Variants in RAD17 observed in about 807,000 individuals in gnomAD.
The protein encoded by RAD17 is cell cycle checkpoint protein RAD17.
Under a neutral mutation model 81.5 loss-of-function variants are expected in RAD17, and 31 were observed. The observed-to-expected ratio is 0.38, with a 90% CI of 0.29 to 0.51. The LOEUF (loss-of-function observed/expected upper bound fraction) is 0.51, where lower values mean the gene tolerates loss of function less well. Ranked by LOEUF, RAD17 falls within the 20% of genes least tolerant of loss-of-function variation. The pLI is 0.88. For missense variants in RAD17, 681 were observed against 781.2 expected (o/e 0.87, Z 1.53); for synonymous variants, 261 against 266.2 (o/e 0.98, Z 0.19).
At chr5:69,381,058 C>T (rs1204985160) in intron 6 of RAD17, among the ~76,000 whole-genome samples, 2 of 152,042 alleles carry the variant, frequency 1.3e-5, no homozygotes, top group Non-Finnish European at 2.9e-5. Context: ...TGTGAGCCGC[C>T]GTGCTCTTCC....
At position 69,371,563 on chromosome 5, in the gene RAD17, A is replaced by G; in HGVS notation, c.-176+6A>G. 4.3e-6 allele frequency: 6 copies of G among 1,405,162 alleles called. No homozygotes were observed. Among genetic ancestry groups the G allele is most frequent in the Non-Finnish European group, 5.7e-6 (6 of 1,056,568 alleles). The allele number at this position is 1,405,162 out of a possible 1,614,324, so 87.0% of individuals were successfully genotyped here. A position where few individuals can be genotyped will look rare whatever the true frequency, so the allele number is the denominator to read the frequency against. On this transcript the variant is annotated splice_donor_region_variant and intron_variant, in intron 3 of 18. Coordinates refer to ENST00000354868, the MANE Select transcript of RAD17 (RefSeq NM_133338.3). Reference sequence around the variant, plus strand: ...CAAAGGTATCTTCCACAAAGGTATGATACACTGGAATGGCCATGTAATAAT... The same window carrying G: ...CAAAGGTATCTTCCACAAAGGTATGGTACACTGGAATGGCCATGTAATAAT...
chr5:69,381,661 C>A (rs1763867443), intron 6 of RAD17, among the ~76,000 whole-genome samples: 2 of 151,838 alleles, frequency 1.3e-5, no homozygotes, highest in African/African-American at 4.8e-5. Context: ...AATTAAGATT[C>A]TCTTATTTCC....
At chr5:69,376,701 T>G (rs1295990350) in intron 6 of RAD17, among the ~76,000 whole-genome samples, 1 of 152,188 alleles carries the variant, frequency 6.6e-6, no homozygotes, top group Non-Finnish European at 1.5e-5. Flanking sequence ...TCCTTTAGTT[T>G]TCAACCTTGA....
chr5:69,410,957 ATGTC>A lies in RAD17; in HGVS notation c.1751+413_1751+416del, dbSNP rs1474303173. On this transcript the variant is annotated intron_variant, in intron 18 of 18. Coordinates refer to ENST00000354868, the MANE Select transcript of RAD17 (RefSeq NM_133338.3). ...GAAAATTTAAACAAGCAAAAAATAG[ATGTC>A]TGTCTATATATATATATATATATAT... Among the ~76,000 whole-genome samples, 34 of 26,794 alleles carry A rather than the reference ATGTC, an allele frequency of 1.3e-3. No homozygotes were observed. The South Asian group carries it at 0.021, about 16-fold the overall frequency. 17.6% of individuals were successfully genotyped at this position (26,794 alleles called of 152,430 possible). A position where few individuals can be genotyped will look rare whatever the true frequency, so the allele number is the denominator to read the frequency against.
chr5:69,378,071 A>G (rs572449492), intron 6 of RAD17, among the ~76,000 whole-genome samples: 1 of 152,268 alleles, frequency 6.6e-6, no homozygotes, highest in Admixed American at 6.5e-5. Context: ...TGTCAGAATC[A>G]ATAGGCATGA....
intron 17 of RAD17, among the ~76,000 whole-genome samples, chr5:69,403,816 G>A (rs990391643): frequency 2.0e-5 from 3 of 152,120 alleles, no homozygotes; most frequent in African/African-American, 7.2e-5. Context: ...AGCTACTCGG[G>A]AGGCTGAAGT....
Position 69,398,263 on chromosome 5 carries a change from A to T in RAD17, c.1572+1717A>T, listed in dbSNP as rs141987337. Among the ~76,000 whole-genome samples the T allele has an allele frequency of 2.4e-3, 369 of 152,338 alleles. 2 individuals are homozygous for T. Among genetic ancestry groups the T allele is most frequent in the African/African-American group, 8.0e-3 (332 of 41,578 alleles). ...TACATATTTCAGAACATCATGTTGT[A>T]TACCTATAAATACATACAGAGCTTA... On this transcript the variant is annotated intron_variant, in intron 16 of 18. Transcript: ENST00000354868.
intron 16 of RAD17, among the ~76,000 whole-genome samples, chr5:69,399,190 G>A (rs1245660915): frequency 1.3e-5 from 2 of 152,016 alleles, no homozygotes; most frequent in South Asian, 4.2e-4. Flanking sequence ...GGGAGGCAGA[G>A]TTTGCAGTGA....
At chr5:69,390,838 C>T (rs112626261) in intron 12 of RAD17, among the ~76,000 whole-genome samples, 2,145 of 150,972 alleles carry the variant, frequency 0.014, 48 homozygotes, top group African/African-American at 0.049. Flanking sequence ...CATGTAGTCC[C>T]GGCTACTTGA....
At chr5:69,408,506 CTTTTTTTTTTTT>C (rs913594965) in intron 17 of RAD17, among the ~76,000 whole-genome samples, 21 of 88,436 alleles carry the variant, frequency 2.4e-4, no homozygotes, top group Admixed American at 3.2e-4. Flanking sequence ...ACCCTAATTA[CTTTTTTTTTTTT>C]TTTTTTTTTT....
intron 12 of RAD17, among the ~76,000 whole-genome samples, chr5:69,391,047 G>A (rs375096076): frequency 9.4e-4 from 143 of 152,006 alleles, no homozygotes; most frequent in African/African-American, 3.3e-3. Flanking sequence ...GACCAGCCTG[G>A]CCAACATGGT....
chr5:69,406,034 T>TC (rs909520510), intron 17 of RAD17, among the ~76,000 whole-genome samples: 6 of 90,464 alleles, frequency 6.6e-5, no homozygotes, highest in African/African-American at 2.0e-4. Flanking sequence ...AGAGCCAGAC[T>TC]CCATCTCAAA....
intron 11 of RAD17, 117 bp downstream of exon 11, chr5:69,386,582 A>G (rs1764228062): frequency 8.5e-7 from 1 of 1,179,386 alleles, no homozygotes; most frequent in Admixed American, 3.8e-5. Context: ...ATTTTATTAT[A>G]CTCATAAGGC....
At chr5:69,393,908 GTTTTT>G (rs34500104) in intron 15 of RAD17, among the ~76,000 whole-genome samples, 1 of 73,106 alleles carries the variant, frequency 1.4e-5, no homozygotes, top group African/African-American at 5.4e-5. Flanking sequence ...TGTTATGGTG[GTTTTT>G]TTTTTTTTTT....
chr5:69,374,559 A>G, intron 5 of RAD17, 69 bp from the exon 6 acceptor site: 1 of 1,026,018 alleles, frequency 9.7e-7, no homozygotes, highest in Admixed American at 2.2e-5. Flanking sequence ...GCTTAGGTTC[A>G]TATGTGCTGA....
At chr5:69,383,713 C>T (rs1340620987) in intron 7 of RAD17, among the ~76,000 whole-genome samples, 1 of 152,064 alleles carries the variant, frequency 6.6e-6, no homozygotes, top group Non-Finnish European at 1.5e-5. Context: ...GAGAGAAAGT[C>T]TCACTATATT....
rs142649869 is a variant in RAD17 at position 69,371,979 on chromosome 5, C to T, written c.-175-55C>T. On this transcript the variant is annotated intron_variant, in intron 3 of 18. Transcript: ENST00000354868. ...TCCCTAAGTGGTAGCTCTAAATTTTCTTTGATGTTAAGTAAGTTACTTAAC... is the reference window on the plus strand; with the variant it reads ...TCCCTAAGTGGTAGCTCTAAATTTTTTTTGATGTTAAGTAAGTTACTTAAC... 9.8e-4 allele frequency: 991 copies of T among 1,009,086 alleles called. 9 individuals carry two copies. In the African/African-American group the frequency reaches 0.016, roughly 16 times the overall value. The allele number at this position is 1,009,086 out of a possible 1,614,324, so 62.5% of individuals were successfully genotyped here. A position where few individuals can be genotyped will look rare whatever the true frequency, so the allele number is the denominator to read the frequency against.
intron 6 of RAD17, among the ~76,000 whole-genome samples, chr5:69,377,455 A>G (rs1203303850): frequency 0.02 from 137 of 6,770 alleles, 10 homozygotes; most frequent in East Asian, 0.065. Context: ...ATATATATAT[A>G]TATATATATA....
At position 69,414,059 on chromosome 5, in the gene RAD17, G is replaced by C. The variant is rs199658747; in HGVS notation, c.1780G>C (p.Glu594Gln). ...RLKMEALTDR[E>Q]HGMIDPDSGD... is the part of the protein sequence containing the mutation. ...GAAAATGGAAGCCCTGACTGACAGG[G>C]AACATGGAATGATAGACCCTGACAG... Residue 594 changes from glutamate (E) to glutamine (Q), a missense_variant, in exon 19 of 19, where the codon GAA (glutamate) becomes CAA (glutamine). Coordinates refer to ENST00000354868, the MANE Select transcript of RAD17 (RefSeq NM_133338.3). 2.0e-4 allele frequency: 322 copies of C among 1,614,182 alleles called. No homozygotes were observed. The highest frequency in any genetic ancestry group is 2.6e-4 in the Non-Finnish European group (308 of 1,180,038).
Sources: gnomAD v4.1 joint callset for allele counts (sites outside exome capture counted in the v4.1 genomes callset) on GRCh38, gnomAD v4.1.1 for gene constraint, MANE v1.5 for transcripts, NCBI Gene and HGNC (gene_info 2026-07-23, HGNC 2026-07-21) for gene names.